PPA1: variants seen among roughly 807,000 people sequenced by gnomAD.
PPA1 encodes the protein inorganic pyrophosphatase 1.
PPA1 carries 23 observed loss-of-function variants against 41.8 expected under a neutral mutation model. The observed-to-expected ratio is 0.55, with a 90% confidence interval of 0.40 to 0.78. PPA1 has a LOEUF of 0.78. PPA1 is among the 30% of genes least tolerant of loss of function. The probability of loss-of-function intolerance (pLI) is 0.00; values close to 1 mark genes in which losing one functional copy is unlikely to be tolerated. For missense variants in PPA1, 320 were observed against 361.6 expected (o/e 0.89, Z 0.93); for synonymous variants, 101 against 116.8 (o/e 0.86, Z 0.87).
intron 2 of PPA1, among the ~76,000 whole-genome samples, chr10:70,220,740 TA>T (rs1840141129): frequency 1.6e-4 from 1 of 6,406 alleles, no homozygotes; most frequent in Non-Finnish European, 2.4e-4. Context: ...ATATATAATT[TA>T]TATATATATA....
rs1236231537 is a variant in PPA1 at position 70,220,751 on chromosome 10, AAT to A, written c.124-1936_124-1935del. Among the ~76,000 whole-genome samples, 20 of 13,776 alleles carry A rather than the reference AAT, an allele frequency of 1.5e-3. 3 individuals are homozygous for A. Among genetic ancestry groups the A allele is most frequent in the African/African-American group, 6.1e-3 (20 of 3,266 alleles). The allele number at this position is 13,776 out of a possible 152,430, so 9.0% of individuals were successfully genotyped here. A position where few individuals can be genotyped will look rare whatever the true frequency, so the allele number is the denominator to read the frequency against. On this transcript the variant is annotated intron_variant, in intron 2 of 10. Transcript: ENST00000373232. ...TAATATATATAATTTATATATATAT[AAT>A]ATATATAATTTATATATATATAATA...
intron 5 of PPA1, 141 bp downstream of exon 5, chr10:70,214,359 G>A (rs1840054375): frequency 4.4e-6 from 3 of 677,120 alleles, no homozygotes; most frequent in Non-Finnish European, 4.9e-6. Flanking sequence ...TGCTTAAAAT[G>A]CAAGAAGCCT....
At chr10:70,217,028 CA>C (rs1276227266) in intron 4 of PPA1, among the ~76,000 whole-genome samples, 1 of 152,048 alleles carries the variant, frequency 6.6e-6, no homozygotes, top group Admixed American at 6.6e-5. Flanking sequence ...AGGTGGTGGA[CA>C]CCTGTAGTCC....
chr10:70,211,695 T>G (rs896579643), intron 6 of PPA1, among the ~76,000 whole-genome samples: 1 of 152,012 alleles, frequency 6.6e-6, no homozygotes, highest in Non-Finnish European at 1.5e-5. Context: ...TCTAATAACC[T>G]GAACTGCAGG....
At chr10:70,214,699 A>G in intron 4 of PPA1, 113 bp from the exon 5 acceptor site, 1 of 804,974 alleles carries the variant, frequency 1.2e-6, no homozygotes, top group Non-Finnish European at 1.9e-6. Flanking sequence ...TCATTGTTTT[A>G]GTTCTTTATT....
intron 2 of PPA1, among the ~76,000 whole-genome samples, chr10:70,220,086 C>T (rs1164777678): frequency 6.6e-6 from 1 of 151,102 alleles, no homozygotes; most frequent in African/African-American, 2.4e-5. Flanking sequence ...CGTGCCACTA[C>T]ACCTGGCTAA....
In PPA1 at chr10:70,230,348, G is replaced by A; in HGVS notation, c.116C>T (p.Ala39Val). The change falls in exon 2 of 11, where the codon GCA becomes GTA. Residue 39 changes from alanine to valine, a missense_variant. Transcript: ENST00000373232. ...ISPFHDIPIYADKDVFHMVVE... is the reference protein window; with the variant it reads ...ISPFHDIPIYVDKDVFHMVVE... ...AAAACAAGGATGCCTTACCTTATCT[G>A]CATAAATTGGAATATCATGAAATGG... is the stretch of plus-strand genomic sequence containing the variant. The A allele has an allele frequency of 1.9e-6, 3 of 1,612,994 alleles. No individual in the cohort carries two copies. Among genetic ancestry groups the A allele is most frequent in the Non-Finnish European group, 2.5e-6 (3 of 1,179,396 alleles).
At chr10:70,221,058 TTATA>T (rs1470145450) in intron 2 of PPA1, among the ~76,000 whole-genome samples, 1 of 23,198 alleles carries the variant, frequency 4.3e-5, no homozygotes, top group African/African-American at 4.1e-4. Flanking sequence ...TATATATAAT[TTATA>T]TATATATATA....
At chr10:70,232,950 T>C (rs1840304897) in intron 1 of PPA1, among the ~76,000 whole-genome samples, 1 of 152,048 alleles carries the variant, frequency 6.6e-6, no homozygotes, top group Non-Finnish European at 1.5e-5. Context: ...GGGTCGGTGA[T>C]TTCCTTTTCC....
intron 2 of PPA1, among the ~76,000 whole-genome samples, chr10:70,224,231 C>A (rs1840204699): frequency 8.0e-6 from 1 of 125,352 alleles, no homozygotes; most frequent in South Asian, 2.6e-4. Flanking sequence ...GCAACATAGA[C>A]AGACCCTGTC....
rs1040340440 is a variant in PPA1 at position 70,202,907 on chromosome 10, A to G, written c.*248T>C. ...CAATATGTGCTCCCCTTGCACATCT[A>G]TTCACAAGTGACTTCCAAATGACAA... On this transcript the variant is annotated 3_prime_UTR_variant, in exon 11 of 11. Coordinates refer to ENST00000373232, the MANE Select transcript of PPA1 (RefSeq NM_021129.4). 2 of 516,946 alleles carry G rather than the reference A, an allele frequency of 3.9e-6. No individual in the cohort carries two copies. Among genetic ancestry groups the G allele is most frequent in the Admixed American group, 3.7e-5 (1 of 26,778 alleles). The allele number at this position is 516,946 out of a possible 1,614,324, so 32.0% of individuals were successfully genotyped here.
intron 2 of PPA1, among the ~76,000 whole-genome samples, chr10:70,227,066 C>T (rs530621084): frequency 2.1e-4 from 32 of 152,266 alleles, no homozygotes; most frequent in South Asian, 2.1e-3. Flanking sequence ...CTTTTATCTA[C>T]CCAGTGTTTC....
intron 2 of PPA1, among the ~76,000 whole-genome samples, chr10:70,221,070 ATATATATT>A (rs1840159163): frequency 6.1e-5 from 1 of 16,464 alleles, no homozygotes; most frequent in African/African-American, 4.2e-4. Flanking sequence ...ATATATATAT[ATATATATT>A]TTTTTTTTTT....
intron 10 of PPA1, 87 bp from the exon 11 acceptor site, chr10:70,203,273 C>T (rs760795067): frequency 5.6e-5 from 65 of 1,164,042 alleles, no homozygotes; most frequent in Non-Finnish European, 7.8e-5. Flanking sequence ...AATATACTTG[C>T]TTTAATGAAT....
At position 70,220,980 on chromosome 10, in the gene PPA1, CT is replaced by C. The variant is rs1554830611; in HGVS notation, c.124-2164del. Among the ~76,000 whole-genome samples the C allele has an allele frequency of 4.7e-4, 17 of 36,146 alleles. 1 individual carries two copies. The highest frequency in any genetic ancestry group is 2.0e-3 in the African/African-American group (13 of 6,448). The allele number at this position is 36,146 out of a possible 152,430, so 23.7% of individuals were successfully genotyped here. On this transcript the variant is annotated intron_variant, in intron 2 of 10. Coordinates refer to ENST00000373232, the MANE Select transcript of PPA1 (RefSeq NM_021129.4). The stretch of plus-strand genomic sequence containing the variant: ...AATATATATAATTTTTATATATATA[CT>C]ATATATATAATTTATATATATAACA...
At chr10:70,210,506 A>G (rs1840005317) in intron 6 of PPA1, 1 of 1,124,410 alleles carries the variant, frequency 8.9e-7, no homozygotes, top group Admixed American at 2.8e-5. Context: ...TAGTACAGGC[A>G]CTGTACATAA....
At chr10:70,219,633 T>A (rs1840113766) in intron 2 of PPA1, among the ~76,000 whole-genome samples, 1 of 152,198 alleles carries the variant, frequency 6.6e-6, no homozygotes, top group Non-Finnish European at 1.5e-5. Context: ...ACCTTGAAGA[T>A]AAGAGAATAT....
rs150314887 is a variant in PPA1 at position 70,217,851 on chromosome 10, C to G, written c.258G>C (p.Pro86=). 4 of 1,605,402 alleles carry G rather than the reference C, an allele frequency of 2.5e-6. No individual in the cohort carries two copies. The highest frequency in any genetic ancestry group is 3.5e-4 in the Middle Eastern group (2 of 5,730). The part of the protein sequence containing the change: ...GKLRYVANLF[P]YKGYIWNYGA... ...CATAGTTCCAGATATATCCTTTATA[C>G]GGGAACAAATTCGCAACATAGCGAA... The change falls in exon 4 of 11, where the codon CCG becomes CCC. Residue 86 remains proline (P), a synonymous_variant. Transcript: ENST00000373232.
At chr10:70,218,387 A>C in intron 3 of PPA1, 1 of 196,370 alleles carries the variant, frequency 5.1e-6, no homozygotes, top group Non-Finnish European at 1.0e-5. Context: ...ACAAAAAGGC[A>C]ATGATGGTAG....
Sources: gnomAD v4.1 joint callset for allele counts (sites outside exome capture counted in the v4.1 genomes callset) on GRCh38, gnomAD v4.1.1 for gene constraint, MANE v1.5 for transcripts, NCBI Gene and HGNC (gene_info 2026-07-23, HGNC 2026-07-21) for gene names.